Variants in HS6ST3 observed in about 807,000 individuals in gnomAD.
The protein encoded by HS6ST3 is heparan-sulfate 6-O-sulfotransferase 3.
A neutral mutation model predicts 36.7 loss-of-function variants in HS6ST3; 12 were observed. The ratio of observed to expected loss-of-function variants is 0.33; its 90% confidence interval spans 0.21 to 0.53. HS6ST3 has a LOEUF of 0.53. Among genes scored for constraint, HS6ST3 ranks in the 20% least tolerant of loss-of-function variants. The pLI is 0.95. For synonymous variants in HS6ST3, 240 were observed against 257.5 expected, an observed-to-expected ratio of 0.93 and a Z score of 0.65; for missense variants, 584 against 640.9, an observed-to-expected ratio of 0.91 and a Z score of 0.96.
At chr13:96,818,384 C>T (rs1878465026) in intron 1 of HS6ST3, among the ~76,000 whole-genome samples, 1 of 152,160 alleles carries the variant, frequency 6.6e-6, no homozygotes, top group African/African-American at 2.4e-5. Flanking sequence ...TTGAAGAGAA[C>T]CTGATTAGGG....
chr13:96,810,337 G>T (rs1470163078), intron 1 of HS6ST3, among the ~76,000 whole-genome samples: 1 of 152,148 alleles, frequency 6.6e-6, no homozygotes, highest in Non-Finnish European at 1.5e-5. Context: ...GAAGAGAGAA[G>T]AAGGAAGCAG....
At position 96,726,158 on chromosome 13, in the gene HS6ST3, T is replaced by C. The variant is rs554417565; in HGVS notation, c.708-106332T>C. Reference sequence around the variant, plus strand: ...GCCTATGATATGTTTTTAATTCAGATATATTAATCTGTTGATTTTGATGTT... The same window carrying C: ...GCCTATGATATGTTTTTAATTCAGACATATTAATCTGTTGATTTTGATGTT... On this transcript the variant is annotated intron_variant, in intron 1 of 1. Coordinates refer to ENST00000376705, the MANE Select transcript of HS6ST3 (RefSeq NM_153456.4). Among the ~76,000 whole-genome samples, 15 of 152,328 alleles carry C rather than the reference T, an allele frequency of 9.8e-5. No homozygotes were observed. The South Asian group carries it at 2.5e-3, about 25-fold the overall frequency.
At chr13:96,155,351 A>AC (rs11424449) in intron 1 of HS6ST3, among the ~76,000 whole-genome samples, 38 of 151,828 alleles carry the variant, frequency 2.5e-4, no homozygotes, top group African/African-American at 7.0e-4. Context: ...AACAAAAAAA[A>AC]CAGCTTTTCT....
At chr13:96,291,675 C>G (rs906757737) in intron 1 of HS6ST3, among the ~76,000 whole-genome samples, 10 of 152,068 alleles carry the variant, frequency 6.6e-5, no homozygotes, top group African/African-American at 2.2e-4. Flanking sequence ...ATGAAGTTAT[C>G]GAAATATTGT....
chr13:96,695,286 T>C (rs959151932), intron 1 of HS6ST3, among the ~76,000 whole-genome samples: 4 of 152,180 alleles, frequency 2.6e-5, no homozygotes, highest in African/African-American at 7.2e-5. Flanking sequence ...CCCTTTGTGA[T>C]GGACAGTCTC....
chr13:96,798,903 C>T (rs1021052746), intron 1 of HS6ST3, among the ~76,000 whole-genome samples: 3 of 152,110 alleles, frequency 2.0e-5, no homozygotes, highest in Non-Finnish European at 2.9e-5. Flanking sequence ...TTGCAAATGA[C>T]CACTTTCTCA....
intron 1 of HS6ST3, among the ~76,000 whole-genome samples, chr13:96,305,847 ATT>A (rs574864875): frequency 1.5e-4 from 19 of 122,806 alleles, no homozygotes; most frequent in East Asian, 2.4e-4. Flanking sequence ...CCCTTAGTTA[ATT>A]TTTTTTTTTT....
chr13:96,163,488 C>T (rs903270554), intron 1 of HS6ST3, among the ~76,000 whole-genome samples: 1 of 152,006 alleles, frequency 6.6e-6, no homozygotes, highest in African/African-American at 2.4e-5. Flanking sequence ...CTTGACCTCC[C>T]AAAGTGCTGG....
chr13:96,685,702 A>C (rs963350692), intron 1 of HS6ST3, among the ~76,000 whole-genome samples: 1 of 152,068 alleles, frequency 6.6e-6, no homozygotes, highest in East Asian at 1.9e-4. Context: ...ATTATACCTC[A>C]AGGAGATAAA....
chr13:96,607,411 C>T (rs1156684395), intron 1 of HS6ST3, among the ~76,000 whole-genome samples: 1 of 152,182 alleles, frequency 6.6e-6, no homozygotes. Flanking sequence ...CATGTAAGAA[C>T]TCGGATCCTA....
chr13:96,257,638 C>T lies in HS6ST3; in HGVS notation c.707+166069C>T, dbSNP rs188717004. 8.9e-3 allele frequency among the ~76,000 whole-genome samples: 1,353 copies of T among 152,240 alleles called. 11 individuals are homozygous for T. Among genetic ancestry groups the T allele is most frequent in the Non-Finnish European group, 0.014 (926 of 68,024 alleles). On this transcript the variant is annotated intron_variant, in intron 1 of 1. Transcript: ENST00000376705. ...ATTAACATTTTTAAAATGCTCATTACAGTGCATACTACTTAGCAAGAAGCA... is the reference window on the plus strand; with the variant it reads ...ATTAACATTTTTAAAATGCTCATTATAGTGCATACTACTTAGCAAGAAGCA...
intron 1 of HS6ST3, among the ~76,000 whole-genome samples, chr13:96,646,021 A>T (rs2056587333): frequency 6.6e-6 from 1 of 151,970 alleles, no homozygotes. Context: ...AATTCAATAG[A>T]CTTAGAAAGA....
At chr13:96,827,165 C>T (rs1249672279) in intron 1 of HS6ST3, among the ~76,000 whole-genome samples, 8 of 152,134 alleles carry the variant, frequency 5.3e-5, no homozygotes, top group Admixed American at 5.2e-4. Flanking sequence ...TGCCTAAGAT[C>T]TCCTTGAGGA....
At chr13:96,139,545 A>T (rs1192390193) in intron 1 of HS6ST3, among the ~76,000 whole-genome samples, 4 of 136,442 alleles carry the variant, frequency 2.9e-5, no homozygotes, top group Non-Finnish European at 6.5e-5. Flanking sequence ...GATTCAGAAA[A>T]AAAAAAAAAA....
At chr13:96,740,824 A>G (rs114188503) in intron 1 of HS6ST3, among the ~76,000 whole-genome samples, 1 of 152,148 alleles carries the variant, frequency 6.6e-6, no homozygotes, top group Non-Finnish European at 1.5e-5. Context: ...TAAGGGGGAG[A>G]CAGAAGTCAG....
At position 96,208,883 on chromosome 13, in the gene HS6ST3, A is replaced by G. The variant is rs908146455; in HGVS notation, c.707+117314A>G. On this transcript the variant is annotated intron_variant, in intron 1 of 1. Coordinates refer to ENST00000376705, the MANE Select transcript of HS6ST3 (RefSeq NM_153456.4). Reference sequence around the variant, plus strand: ...TCAGATAACAAGGCAGATTTTTCCCATGTATAAATATCTTCTTGGAAATAT... The same window carrying G: ...TCAGATAACAAGGCAGATTTTTCCCGTGTATAAATATCTTCTTGGAAATAT... Among the ~76,000 whole-genome samples, 10 of 152,334 alleles carry G rather than the reference A, an allele frequency of 6.6e-5. No individual in the cohort carries two copies. The East Asian group carries it at 1.7e-3, about 26-fold the overall frequency.
chr13:96,713,247 C>G (rs939178184), intron 1 of HS6ST3, among the ~76,000 whole-genome samples: 5 of 152,162 alleles, frequency 3.3e-5, no homozygotes, highest in Admixed American at 3.3e-4. Flanking sequence ...CTACATCTTT[C>G]AAAACCATTG....
chr13:96,494,340 C>T (rs1316193378), intron 1 of HS6ST3, among the ~76,000 whole-genome samples: 5 of 132,572 alleles, frequency 3.8e-5, no homozygotes, highest in Admixed American at 9.4e-5. Flanking sequence ...GGGAATTGAA[C>T]AACAAGAACA....
intron 1 of HS6ST3, among the ~76,000 whole-genome samples, chr13:96,667,244 T>C (rs1217444030): frequency 6.6e-6 from 1 of 152,196 alleles, no homozygotes; most frequent in African/African-American, 2.4e-5. Context: ...AGATTTTCTA[T>C]TCTCTTAATT....
Sources: gnomAD v4.1 joint callset for allele counts (sites outside exome capture counted in the v4.1 genomes callset) on GRCh38, gnomAD v4.1.1 for gene constraint, MANE v1.5 for transcripts, NCBI Gene and HGNC (gene_info 2026-07-23, HGNC 2026-07-21) for gene names.